Variants in SOX5 observed in about 807,000 individuals in gnomAD.
SOX5 encodes transcription factor SOX-5.
Under a neutral mutation model 92.0 loss-of-function variants are expected in SOX5, and 9 were observed. The ratio of observed to expected loss-of-function variants is 0.10; its 90% confidence interval spans 0.06 to 0.17. The LOEUF (loss-of-function observed/expected upper bound fraction) is 0.17. SOX5 is among the 10% of genes least tolerant of loss of function. The pLI is 1.00. For synonymous variants in SOX5, 344 were observed against 336.3 expected (o/e 1.02, Z -0.25); for missense variants, 642 against 944.5 (o/e 0.68, Z 4.20).
rs1204483100 is a variant in SOX5 at position 23,530,965 on chromosome 12, G to C, written c.*3254C>G. 1 of 151,838 alleles carries C rather than the reference G, an allele frequency of 6.6e-6. No homozygotes were observed. The highest frequency in any genetic ancestry group is 1.5e-5 in the Non-Finnish European group (1 of 67,970). 9.4% of individuals were successfully genotyped at this position (151,838 alleles called of 1,614,324 possible). A position where few individuals can be genotyped will look rare whatever the true frequency, so the allele number is the denominator to read the frequency against. On this transcript the variant is annotated 3_prime_UTR_variant, in exon 15 of 15. Transcript: ENST00000451604. ...TACTCTCATTTTCTTTATCTTTTTT[G>C]GTCATTATGGGGCACAGAAAAAGAA...
In SOX5 at chr12:23,806,352, CCTT is replaced by C. The variant is rs2095770162; in HGVS notation, c.481+39628_481+39630del. Among the ~76,000 whole-genome samples the C allele has an allele frequency of 2.0e-5, 3 of 152,094 alleles. No homozygotes were observed. In the East Asian group the frequency reaches 5.8e-4, roughly 29 times the overall value. On this transcript the variant is annotated intron_variant, in intron 3 of 14. Coordinates refer to ENST00000451604, the MANE Select transcript of SOX5 (RefSeq NM_006940.6). ...CAAGGTCAAGAAGCACGCATCAACA[CCTT>C]CTCCTCCCCAATCTGGAGCACTGAA...
chr12:23,632,046 C>T (rs1433519836), intron 8 of SOX5: 2 of 152,218 alleles, frequency 1.3e-5, no homozygotes, highest in Middle Eastern at 3.4e-3. Context: ...TTTTTCAGGC[C>T]TATTTGCATA....
intron 3 of SOX5, among the ~76,000 whole-genome samples, chr12:23,799,216 ACTTATT>A (rs2095619287): frequency 6.6e-6 from 1 of 152,046 alleles, no homozygotes; most frequent in Non-Finnish European, 1.5e-5. Context: ...AAGCATTCTA[ACTTATT>A]CTTGTTCATG....
In SOX5 at chr12:23,781,841, A is replaced by G. The variant is rs924053322; in HGVS notation, c.482-26117T>C. Among the ~76,000 whole-genome samples, 5 of 152,228 alleles carry G rather than the reference A, an allele frequency of 3.3e-5. No homozygotes were observed. In the South Asian group the frequency reaches 1.0e-3, roughly 32 times the overall value. On this transcript the variant is annotated intron_variant, in intron 3 of 14. Coordinates refer to ENST00000451604, the MANE Select transcript of SOX5 (RefSeq NM_006940.6). ...GAATTTGGAAAACTGAAGCTAAATTAAAGGCCAAATACAGAAACTACTTTT... is the reference window on the plus strand; with the variant it reads ...GAATTTGGAAAACTGAAGCTAAATTGAAGGCCAAATACAGAAACTACTTTT...
At position 24,050,723 on chromosome 12, in the gene SOX5, G is replaced by A. The variant is rs937706319; in HGVS notation, c.-1-154699C>T. On this transcript the variant is annotated intron_variant, in intron 4 of 4. Transcript: ENST00000446891. ...CCAGAAATTCACTGAGCTTCAGTAAGCTCATCTATATGGTGACAACAGTGC... is the reference window on the plus strand; with the variant it reads ...CCAGAAATTCACTGAGCTTCAGTAAACTCATCTATATGGTGACAACAGTGC... Among the ~76,000 whole-genome samples, 4 of 152,296 alleles carry A rather than the reference G, an allele frequency of 2.6e-5. No homozygotes were observed. The East Asian group carries it at 7.7e-4, about 29-fold the overall frequency.
chr12:24,373,885 G>T (rs1438215523), intron 1 of SOX5, among the ~76,000 whole-genome samples: 1 of 152,144 alleles, frequency 6.6e-6, no homozygotes, highest in East Asian at 1.9e-4. Context: ...TCAAGAGGAG[G>T]TTGGCCACCC....
intron 3 of SOX5, among the ~76,000 whole-genome samples, chr12:23,778,600 G>C (rs1455617364): frequency 6.6e-6 from 1 of 152,176 alleles, no homozygotes; most frequent in Non-Finnish European, 1.5e-5. Context: ...TAAGGAAACA[G>C]CAAGGAATTT....
intron 3 of SOX5, among the ~76,000 whole-genome samples, chr12:23,797,858 C>T (rs974150961): frequency 1.3e-5 from 2 of 151,972 alleles, no homozygotes; most frequent in Non-Finnish European, 2.9e-5. Context: ...CTCCTAACCT[C>T]GCCTCAGGTT....
At chr12:24,174,005 G>GT (rs71059987) in intron 4 of SOX5, among the ~76,000 whole-genome samples, 19,719 of 148,022 alleles carry the variant, frequency 0.13, 1,799 homozygotes, top group East Asian at 0.46. Context: ...TTGTTTTTTT[G>GT]TTTTTTTTTT....
At chr12:23,765,257 A>C (rs2141400796) in intron 3 of SOX5, among the ~76,000 whole-genome samples, 1 of 151,930 alleles carries the variant, frequency 6.6e-6, no homozygotes, top group East Asian at 1.9e-4. Context: ...TTTAGGTAAG[A>C]AAATACAACA....
At chr12:23,876,102 G>T (rs989711577) in intron 2 of SOX5, among the ~76,000 whole-genome samples, 15 of 152,072 alleles carry the variant, frequency 9.9e-5, no homozygotes, top group African/African-American at 2.4e-5. Context: ...AACTTTCCTG[G>T]CATTCCCTAA....
chr12:23,703,727 G>GACACACACACACACACACAC (rs61366137), intron 6 of SOX5, among the ~76,000 whole-genome samples: 17 of 148,716 alleles, frequency 1.1e-4, no homozygotes, highest in African/African-American at 3.9e-4. Context: ...TTTCTCAGGG[G>GACACACACACACACACACAC]ACACACACAC....
rs886631363 is a variant in SOX5 at position 23,531,895 on chromosome 12, A to ATGTG, written c.*2320_*2323dup. On this transcript the variant is annotated 3_prime_UTR_variant, in exon 15 of 15. Transcript: ENST00000451604. ...GAAAGAGAAGTAAAATTGTGGGTAAATGTGTGTGTGTGTGTGTATATGTGT... is the reference window on the plus strand; with the variant it reads ...GAAAGAGAAGTAAAATTGTGGGTAAATGTGTGTGTGTGTGTGTGTGTATATGTGT... The ATGTG allele has an allele frequency of 1.3e-5, 2 of 149,178 alleles. No individual in the cohort carries two copies. Among genetic ancestry groups the ATGTG allele is most frequent in the African/African-American group, 4.9e-5 (2 of 40,764 alleles). 9.2% of individuals were successfully genotyped at this position (149,178 alleles called of 1,614,324 possible). A position where few individuals can be genotyped will look rare whatever the true frequency, so the allele number is the denominator to read the frequency against.
chr12:23,740,848 A>G lies in SOX5; in HGVS notation c.741+19T>C. On this transcript the variant is annotated intron_variant, in intron 5 of 14. Coordinates refer to ENST00000451604, the MANE Select transcript of SOX5 (RefSeq NM_006940.6). ...AGTAATGTCTGAGGAATATGACTGC[A>G]TCGCTAGTTCTTACTCACTTGTTCT... The G allele has an allele frequency of 6.3e-7, 1 of 1,597,002 alleles. No homozygotes were observed. Among genetic ancestry groups the G allele is most frequent in the Non-Finnish European group, 8.6e-7 (1 of 1,167,968 alleles).
In SOX5 at chr12:24,037,889, T is replaced by A. The variant is rs148117956; in HGVS notation, c.-1-141865A>T. On this transcript the variant is annotated intron_variant, in intron 4 of 4. Coordinates refer to the SOX5 transcript ENST00000446891. ...CCTAATGGTACTATTACCGGGCCAG[T>A]TGCAATTTTTTACACAGAACACTGA... Among the ~76,000 whole-genome samples, 304 of 152,184 alleles carry A rather than the reference T, an allele frequency of 2.0e-3. 1 individual carries two copies. The highest frequency in any genetic ancestry group is 3.6e-3 in the Non-Finnish European group (246 of 68,006).
At chr12:24,008,991 G>A (rs1325927502) in intron 4 of SOX5, among the ~76,000 whole-genome samples, 2 of 152,178 alleles carry the variant, frequency 1.3e-5, no homozygotes, top group Non-Finnish European at 2.9e-5. Context: ...GAAGTCACTT[G>A]CCCTGTAAGA....
intron 4 of SOX5, among the ~76,000 whole-genome samples, chr12:24,197,335 A>T (rs978749200): frequency 2.6e-5 from 4 of 152,202 alleles, no homozygotes; most frequent in Admixed American, 2.0e-4. Context: ...ATATGTGTGT[A>T]TTCTAATAAG....
intron 2 of SOX5, among the ~76,000 whole-genome samples, chr12:23,859,344 C>T (rs1421423986): frequency 2.0e-5 from 3 of 152,210 alleles, no homozygotes; most frequent in Middle Eastern, 3.4e-3. Flanking sequence ...TACAGACGAC[C>T]GCTCTGGGAA....
chr12:24,559,373 T>C (rs528529811), intron 1 of SOX5, among the ~76,000 whole-genome samples: 68 of 152,320 alleles, frequency 4.5e-4, no homozygotes, highest in African/African-American at 1.5e-3. Flanking sequence ...GCTGGAAATC[T>C]AAACAGTATT....
Sources: gnomAD v4.1 joint callset for allele counts (sites outside exome capture counted in the v4.1 genomes callset) on GRCh38, gnomAD v4.1.1 for gene constraint, MANE v1.5 for transcripts, NCBI Gene and HGNC (gene_info 2026-07-23, HGNC 2026-07-21) for gene names.